The following SYNRG variants were observed in gnomAD, a reference collection of about 807,000 sequenced individuals.
The protein encoded by SYNRG is synergin gamma, also known as AP1 gamma subunit binding protein 1.
SYNRG carries 37 observed loss-of-function variants against 130.9 expected under a neutral mutation model. The observed-to-expected ratio is 0.28, with a 90% CI of 0.22 to 0.37. The LOEUF (loss-of-function observed/expected upper bound fraction) is 0.37, where lower values mean the gene tolerates loss of function less well. SYNRG is among the 10% of genes least tolerant of loss of function. The pLI, the probability that SYNRG is intolerant of heterozygous loss-of-function variation, is 1.00. For synonymous variants in SYNRG, 539 were observed against 568.1 expected, an observed-to-expected ratio of 0.95 and a Z score of 0.73; for missense variants, 1,338 against 1,588.9, an observed-to-expected ratio of 0.84 and a Z score of 2.68.
intron 13 of SYNRG, among the ~76,000 whole-genome samples, chr17:37,558,764 G>A (rs898206638): frequency 6.6e-6 from 1 of 152,210 alleles, no homozygotes; most frequent in African/African-American, 2.4e-5. Flanking sequence ...CTGGCGTCTT[G>A]ACGTCTGTAT....
intron 13 of SYNRG, among the ~76,000 whole-genome samples, chr17:37,557,564 A>G (rs2059211342): frequency 1.3e-5 from 2 of 152,200 alleles, no homozygotes; most frequent in African/African-American, 2.4e-5. Flanking sequence ...AATAACAACA[A>G]TCTGGAACTT....
At chr17:37,609,211 T>A (rs2064163019) in intron 1 of SYNRG, 68 bp downstream of exon 1, 2 of 1,364,890 alleles carry the variant, frequency 1.5e-6, no homozygotes, top group Non-Finnish European at 1.9e-6. Flanking sequence ...AAAACTGCCA[T>A]AACTGCCAAG....
chr17:37,589,517 G>A (rs555958245), intron 3 of SYNRG, among the ~76,000 whole-genome samples: 1 of 152,220 alleles, frequency 6.6e-6, no homozygotes, highest in African/African-American at 2.4e-5. Flanking sequence ...TTGGGAGGCC[G>A]AGGTGGGCGG....
At position 37,571,871 on chromosome 17, in the gene SYNRG, C is replaced by A. The variant is rs2060460542; in HGVS notation, c.1018G>T (p.Ala340Ser). The change falls in exon 9 of 22, where the codon GCC becomes TCC. Residue 340 changes from alanine to serine, a missense_variant. Coordinates refer to ENST00000612223, the MANE Select transcript of SYNRG (RefSeq NM_007247.6). ...CCAGGTGTAGTTCGATTAGCTAAGG[C>A]CCATATCTGTCCAAGAGTTTCCCTG... ...LPRETLGQIW[A>S]LANRTTPGKL... The A allele has an allele frequency of 3.1e-6, 5 of 1,614,026 alleles. No homozygotes were observed. Among genetic ancestry groups the A allele is most frequent in the Non-Finnish European group, 4.2e-6 (5 of 1,179,966 alleles).
In SYNRG at chr17:37,568,848, C is replaced by T; in HGVS notation, c.1424G>A (p.Ser475Asn). 2 of 1,614,118 alleles carry T rather than the reference C, an allele frequency of 1.2e-6. No individual in the cohort carries two copies. The highest frequency in any genetic ancestry group is 1.7e-6 in the Non-Finnish European group (2 of 1,179,990). Residue 475 changes from serine (S) to asparagine (N), a missense_variant, in exon 11 of 22, where the codon AGT becomes AAT. By Grantham distance (46) the Ser-to-Asn change is conservative. Coordinates refer to ENST00000612223, the MANE Select transcript of SYNRG (RefSeq NM_007247.6). ...SKSGSLDDSF[S>N]DFQELPASSK... ...AGAAGCAGGCAACTCTTGGAAATCA[C>T]TGAATGAGTCATCAAGGGATCCTGA...
chr17:37,526,337 G>A (rs1016400977), intron 19 of SYNRG, among the ~76,000 whole-genome samples: 1 of 152,178 alleles, frequency 6.6e-6, no homozygotes, highest in East Asian at 1.9e-4. Context: ...ATAAAGCTTT[G>A]CTTTTGCTAA....
intron 9 of SYNRG, 61 bp from the exon 10 acceptor site, chr17:37,570,946 G>T: frequency 6.5e-7 from 1 of 1,530,672 alleles, no homozygotes. Context: ...TCGAAATCTG[G>T]CAGAGACCGA....
In SYNRG at chr17:37,539,234, T is replaced by A; in HGVS notation, c.3378A>T (p.Arg1126Ser). Residue 1126 changes from arginine (R) to serine (S), a missense_variant, in exon 17 of 22, where the codon AGA becomes AGT. Physicochemically the swap from Arg to Ser is moderately radical, Grantham distance 110 (BLOSUM62 -1). This residue lies in a region of SYNRG where 1,146 missense variants were observed against 1,342.3 expected (regional missense o/e 0.85). Coordinates refer to ENST00000612223, the MANE Select transcript of SYNRG (RefSeq NM_007247.6). ...DLTGEVEENE[R>S]YAYEWQRCLG... ...GGCATCTCTGCCATTCATATGCATA[T>A]CTCTCATTTTCCTGTGAATTTGTTA... 6.2e-7 allele frequency: 1 copy of A among 1,614,140 alleles called. No individual in the cohort carries two copies. Among genetic ancestry groups the A allele is most frequent in the Non-Finnish European group, 8.5e-7 (1 of 1,180,010 alleles).
At chr17:37,570,227 C>T (rs1337527997) in intron 10 of SYNRG, among the ~76,000 whole-genome samples, 2 of 147,630 alleles carry the variant, frequency 1.4e-5, no homozygotes, top group Middle Eastern at 3.5e-3. Flanking sequence ...TCATAGCTCA[C>T]TGCAGACTTG....
At chr17:37,534,168 T>C (rs1165567471) in intron 19 of SYNRG, among the ~76,000 whole-genome samples, 2 of 151,288 alleles carry the variant, frequency 1.3e-5, no homozygotes, top group African/African-American at 4.9e-5. Context: ...GGTCTCGAAC[T>C]CCTGGCCTCA....
At chr17:37,525,894 A>G (rs1395761754) in intron 19 of SYNRG, among the ~76,000 whole-genome samples, 2 of 152,220 alleles carry the variant, frequency 1.3e-5, no homozygotes, top group African/African-American at 2.4e-5. Context: ...TGAACCCAGG[A>G]GGTGGAGGTT....
In SYNRG at chr17:37,553,531, G is replaced by A. The variant is rs2058865712; in HGVS notation, c.2192C>T (p.Thr731Ile). ...AGTCGAGTTTTGTCCACCCTTCACTGTGCTGCCCACGTTGCTGGTTAGAGG... is the reference window on the plus strand; with the variant it reads ...AGTCGAGTTTTGTCCACCCTTCACTATGCTGCCCACGTTGCTGGTTAGAGG... ...PVPLTSNVGS[T>I]VKGGQNSTAA... The change falls in exon 14 of 22, where the codon ACA becomes ATA. Residue 731 changes from threonine (T) to isoleucine (I), a missense_variant. By Grantham distance (89) the Thr-to-Ile change is moderately conservative (BLOSUM62 -1). This residue lies in a region of SYNRG where 1,146 missense variants were observed against 1,342.3 expected (regional missense o/e 0.85). Transcript: ENST00000612223. 6.2e-7 allele frequency: 1 copy of A among 1,614,068 alleles called. No homozygotes were observed. The highest frequency in any genetic ancestry group is 8.5e-7 in the Non-Finnish European group (1 of 1,180,038).
intron 1 of SYNRG, among the ~76,000 whole-genome samples, chr17:37,603,767 C>A (rs1173626238): frequency 2.6e-5 from 4 of 152,228 alleles, no homozygotes; most frequent in Non-Finnish European, 5.9e-5. Flanking sequence ...GGACTATAGG[C>A]AGAGTAGATT....
At chr17:37,605,875 C>T (rs1309908215) in intron 1 of SYNRG, 7 of 985,384 alleles carry the variant, frequency 7.1e-6, no homozygotes, top group Non-Finnish European at 8.4e-6. Flanking sequence ...CTAGATTTGA[C>T]ACTAGGCTTC....
intron 3 of SYNRG, among the ~76,000 whole-genome samples, chr17:37,594,598 A>G (rs1017434296): frequency 2.6e-5 from 4 of 151,216 alleles, no homozygotes; most frequent in African/African-American, 9.7e-5. Context: ...AGTAGCTGGG[A>G]TTACAGGCAT....
intron 3 of SYNRG, among the ~76,000 whole-genome samples, chr17:37,595,401 A>T (rs1184808322): frequency 6.6e-6 from 1 of 152,220 alleles, no homozygotes; most frequent in Non-Finnish European, 1.5e-5. Context: ...ACGCAGAAAC[A>T]AAAAACCAAA....
At chr17:37,572,036 TTA>T in intron 8 of SYNRG, 49 bp from the exon 9 acceptor site, 2 of 1,510,358 alleles carry the variant, frequency 1.3e-6, no homozygotes, top group African/African-American at 2.8e-5. Flanking sequence ...TCCAAGTGAT[TTA>T]TTTTTTGGGA....
At chr17:37,565,398 C>CTCT (rs2059860097) in intron 11 of SYNRG, among the ~76,000 whole-genome samples, 1 of 152,082 alleles carries the variant, frequency 6.6e-6, no homozygotes, top group African/African-American at 2.4e-5. Context: ...TCGCTACAAC[C>CTCT]TCCACCTCCC....
chr17:37,566,585 G>A (rs1353188318), intron 11 of SYNRG, among the ~76,000 whole-genome samples: 1 of 149,166 alleles, frequency 6.7e-6, no homozygotes, highest in Non-Finnish European at 1.5e-5. Context: ...ATTGTCCCAT[G>A]ACCCTGCCAA....
Sources: allele counts gnomAD v4.1 joint callset (sites outside exome capture counted in the v4.1 genomes callset), GRCh38; gene constraint gnomAD v4.1.1; regional missense constraint gnomAD v4.1.1; transcripts MANE v1.5; gene names NCBI Gene and HGNC (gene_info 2026-07-23, HGNC 2026-07-21).